SYNPO2: variants seen among roughly 807,000 people sequenced by gnomAD.
SYNPO2 encodes the protein synaptopodin-2.
SYNPO2 carries 56 observed loss-of-function variants against 85.0 expected under a neutral mutation model. That is an observed-to-expected ratio of 0.66 (90% CI 0.53 to 0.82). SYNPO2 has a LOEUF of 0.82. SYNPO2 is among the 40% of genes least tolerant of loss of function. The pLI is 0.00. For synonymous variants in SYNPO2, 602 were observed against 591.1 expected (o/e 1.02, Z -0.27); for missense variants, 1,575 against 1,534.2 (o/e 1.03, Z -0.44).
At chr4:119,032,929 T>TACCC in intron 4 of SYNPO2, 1 of 905,322 alleles carries the variant, frequency 1.1e-6, no homozygotes. Flanking sequence ...AAAGGTTGAT[T>TACCC]CCCACCCTCC....
chr4:118,960,433 G>A (rs187579587), intron 1 of SYNPO2, among the ~76,000 whole-genome samples: 332 of 152,256 alleles, frequency 2.2e-3, no homozygotes, highest in Non-Finnish European at 3.6e-3. Flanking sequence ...CATATTGCTG[G>A]TGAGAATGTA....
intron 1 of SYNPO2, among the ~76,000 whole-genome samples, chr4:118,959,646 G>T (rs1735001304): frequency 7.5e-6 from 1 of 132,462 alleles, no homozygotes; most frequent in African/African-American, 2.6e-5. Flanking sequence ...TGAACTAGAG[G>T]CTCGCTCTCC....
intron 1 of SYNPO2, among the ~76,000 whole-genome samples, chr4:118,857,749 A>G (rs1731531453): frequency 6.6e-6 from 1 of 152,218 alleles, no homozygotes; most frequent in South Asian, 2.1e-4. Context: ...TAAGAGGGTC[A>G]TGTAGATTTT....
chr4:118,869,359 T>C (rs1012962734), intron 1 of SYNPO2, among the ~76,000 whole-genome samples: 2 of 152,128 alleles, frequency 1.3e-5, no homozygotes, highest in African/African-American at 4.8e-5. Context: ...CCTAAGAAAA[T>C]TATTGTTAGA....
At chr4:119,028,083 C>T (rs1738049130) in intron 3 of SYNPO2, among the ~76,000 whole-genome samples, 1 of 152,092 alleles carries the variant, frequency 6.6e-6, no homozygotes, top group Non-Finnish European at 1.5e-5. Flanking sequence ...TGTCTCCAAA[C>T]ATAAAATATA....
chr4:118,857,117 A>T (rs916331092), intron 1 of SYNPO2, among the ~76,000 whole-genome samples: 1 of 152,140 alleles, frequency 6.6e-6, no homozygotes, highest in African/African-American at 2.4e-5. Flanking sequence ...ATAGTGTATT[A>T]AACTCAGCAA....
intron 1 of SYNPO2, among the ~76,000 whole-genome samples, chr4:118,866,351 G>A (rs1383098873): frequency 2.0e-5 from 3 of 152,136 alleles, no homozygotes; most frequent in East Asian, 1.9e-4. Context: ...CAGATGTGCT[G>A]TGGAGGAAAA....
chr4:118,868,252 G>T (rs1299618195), intron 1 of SYNPO2, among the ~76,000 whole-genome samples: 1 of 151,934 alleles, frequency 6.6e-6, no homozygotes, highest in East Asian at 1.9e-4. Context: ...CTAAATTTGG[G>T]TGATTATTGG....
intron 4 of SYNPO2, among the ~76,000 whole-genome samples, chr4:119,052,893 G>A (rs1199841108): frequency 6.6e-6 from 1 of 152,116 alleles, no homozygotes; most frequent in Non-Finnish European, 1.5e-5. Context: ...AAGTTTAAAA[G>A]GTAGTGGGAG....
intron 1 of SYNPO2, among the ~76,000 whole-genome samples, chr4:118,876,727 TTCTTTCTTTCTG>T (rs1469881765): frequency 9.6e-6 from 1 of 104,318 alleles, no homozygotes; most frequent in Non-Finnish European, 2.1e-5. Flanking sequence ...CTTTCTTTCT[TTCTTTCTTTCTG>T]CCTTTCTCTG....
At chr4:118,988,614 G>A (rs1238391852) in intron 1 of SYNPO2, among the ~76,000 whole-genome samples, 1 of 152,168 alleles carries the variant, frequency 6.6e-6, no homozygotes, top group Non-Finnish European at 1.5e-5. Context: ...AAAAACATTT[G>A]TGAAAATGTG....
intron 1 of SYNPO2, among the ~76,000 whole-genome samples, chr4:119,010,173 C>T (rs935310912): frequency 2.0e-5 from 3 of 152,152 alleles, no homozygotes; most frequent in Non-Finnish European, 4.4e-5. Flanking sequence ...ATGACTTTGC[C>T]TCACTGGCTT....
intron 1 of SYNPO2, among the ~76,000 whole-genome samples, chr4:118,890,363 G>A (rs777117600): frequency 1.3e-5 from 2 of 152,090 alleles, no homozygotes; most frequent in Non-Finnish European, 2.9e-5. Context: ...TTCCTCCGAG[G>A]TCTGCAGTTC....
intron 1 of SYNPO2, among the ~76,000 whole-genome samples, chr4:118,951,450 C>G (rs1734693828): frequency 6.6e-6 from 1 of 152,208 alleles, no homozygotes; most frequent in African/African-American, 2.4e-5. Context: ...TACAATCACA[C>G]TGGCAATTAA....
At chr4:118,957,914 G>C (rs972544211) in intron 1 of SYNPO2, among the ~76,000 whole-genome samples, 12 of 152,164 alleles carry the variant, frequency 7.9e-5, no homozygotes, top group Non-Finnish European at 1.3e-4. Flanking sequence ...GCTCACTCCC[G>C]TCAGAGCTTG....
chr4:118,897,378 C>T (rs1732584510), intron 1 of SYNPO2, among the ~76,000 whole-genome samples: 1 of 152,108 alleles, frequency 6.6e-6, no homozygotes, highest in Admixed American at 6.5e-5. Flanking sequence ...CAAACCATAT[C>T]AATATTTTAT....
intron 1 of SYNPO2, among the ~76,000 whole-genome samples, chr4:118,854,704 T>C (rs1310977897): frequency 2.6e-5 from 4 of 152,166 alleles, no homozygotes; most frequent in African/African-American, 9.6e-5. Context: ...GAATTATGCT[T>C]ATAATTGGTT....
intron 1 of SYNPO2, among the ~76,000 whole-genome samples, chr4:118,995,456 G>T (rs1736552702): frequency 6.6e-6 from 1 of 152,072 alleles, no homozygotes; most frequent in African/African-American, 2.4e-5. Context: ...AACCCCATAA[G>T]ATAGGCATAT....
chr4:119,051,389 C>T (rs965934015), intron 4 of SYNPO2, among the ~76,000 whole-genome samples: 3 of 150,998 alleles, frequency 2.0e-5, no homozygotes, highest in Non-Finnish European at 4.4e-5. Context: ...CGGGGTTTCA[C>T]CGTTTTTTAG....
Sources: gnomAD v4.1 joint callset for allele counts (sites outside exome capture counted in the v4.1 genomes callset) on GRCh38, gnomAD v4.1.1 for gene constraint, MANE v1.5 for transcripts, NCBI Gene and HGNC (gene_info 2026-07-23, HGNC 2026-07-21) for gene names.